Variants in VEPH1 observed in about 807,000 individuals in gnomAD.
The protein encoded by VEPH1 is ventricular zone-expressed PH domain-containing protein homolog 1.
A neutral mutation model predicts 85.2 loss-of-function variants in VEPH1; 80 were observed. That is an observed-to-expected ratio of 0.94 (90% confidence interval 0.78 to 1.13). The LOEUF (loss-of-function observed/expected upper bound fraction) is 1.13. Among genes scored for constraint, VEPH1 ranks in the 50% most tolerant of loss-of-function variants. The pLI is 0.00. For missense variants in VEPH1, 955 were observed against 980.5 expected, an observed-to-expected ratio of 0.97 and a Z score of 0.35; for synonymous variants, 297 against 348.0, an observed-to-expected ratio of 0.85 and a Z score of 1.63.
chr3:157,383,890 G>GT (rs201021061), intron 6 of VEPH1, among the ~76,000 whole-genome samples: 1,890 of 149,856 alleles, frequency 0.013, 42 homozygotes, highest in African/African-American at 0.038. Context: ...AACAGTTTTT[G>GT]TTTTTTTTTG....
chr3:157,390,926 C>T (rs574164394), intron 6 of VEPH1, among the ~76,000 whole-genome samples: 3 of 152,354 alleles, frequency 2.0e-5, no homozygotes, highest in Admixed American at 1.3e-4. Context: ...TTGGGCACCA[C>T]CACATTCCTC....
intron 2 of VEPH1, among the ~76,000 whole-genome samples, chr3:157,475,847 T>C (rs1737419300): frequency 6.6e-6 from 1 of 152,182 alleles, no homozygotes; most frequent in African/African-American, 2.4e-5. Context: ...CACCTGATCG[T>C]TAATTTTGTG....
intron 3 of VEPH1, among the ~76,000 whole-genome samples, chr3:157,464,650 A>G (rs916221393): frequency 2.0e-5 from 3 of 152,224 alleles, no homozygotes; most frequent in East Asian, 1.9e-4. Context: ...TTATATTTCT[A>G]AACTAGATTA....
intron 4 of VEPH1, among the ~76,000 whole-genome samples, chr3:157,451,391 A>G (rs761347812): frequency 1.4e-4 from 22 of 152,196 alleles, no homozygotes; most frequent in Non-Finnish European, 3.2e-4. Flanking sequence ...TACAATTACC[A>G]CTTACTGGGA....
At chr3:157,363,317 C>T (rs1219226736) in intron 9 of VEPH1, 47 bp downstream of exon 9, 1 of 1,482,246 alleles carries the variant, frequency 6.7e-7, no homozygotes, top group Non-Finnish European at 9.0e-7. Flanking sequence ...TGTTTATTTG[C>T]AGTGACTCCT....
At chr3:157,408,405 C>T (rs1443334367) in intron 6 of VEPH1, among the ~76,000 whole-genome samples, 1 of 152,108 alleles carries the variant, frequency 6.6e-6, no homozygotes, top group East Asian at 1.9e-4. Flanking sequence ...ATTATGTCAT[C>T]TAGAATAAGT....
intron 4 of VEPH1, among the ~76,000 whole-genome samples, chr3:157,441,870 GC>G (rs1160805950): frequency 3.9e-5 from 6 of 151,904 alleles, no homozygotes; most frequent in Non-Finnish European, 5.9e-5. Context: ...GCTGAAAAAT[GC>G]ATGTTGGTAA....
intron 4 of VEPH1, among the ~76,000 whole-genome samples, chr3:157,454,984 A>C (rs1481017558): frequency 6.6e-6 from 1 of 152,102 alleles, no homozygotes; most frequent in African/African-American, 2.4e-5. Flanking sequence ...TCTTCATCCA[A>C]TCCACTGTTG....
At chr3:157,262,668 T>A (rs1441183292) in intron 13 of VEPH1, among the ~76,000 whole-genome samples, 1 of 152,204 alleles carries the variant, frequency 6.6e-6, no homozygotes, top group Non-Finnish European at 1.5e-5. Context: ...TGGAGAGATG[T>A]AATCCTTTTG....
At chr3:157,352,917 C>T (rs191231979) in intron 9 of VEPH1, among the ~76,000 whole-genome samples, 30 of 152,076 alleles carry the variant, frequency 2.0e-4, no homozygotes, top group Non-Finnish European at 3.8e-4. Context: ...GTTTGCAGGG[C>T]AGGTAAAGGG....
intron 6 of VEPH1, among the ~76,000 whole-genome samples, chr3:157,385,058 T>A (rs748451322): frequency 1.6e-4 from 25 of 152,160 alleles, no homozygotes; most frequent in Non-Finnish European, 2.8e-4. Flanking sequence ...AGGTATTTAC[T>A]CATATAATCC....
At chr3:157,312,889 T>TA (rs10711048) in intron 11 of VEPH1, among the ~76,000 whole-genome samples, 11 of 137,212 alleles carry the variant, frequency 8.0e-5, no homozygotes, top group Admixed American at 3.9e-4. Context: ...CCTGGCTAAT[T>TA]AAAAAAAAAC....
chr3:157,358,327 C>T (rs1198853800), intron 9 of VEPH1, among the ~76,000 whole-genome samples: 1 of 152,152 alleles, frequency 6.6e-6, no homozygotes, highest in Non-Finnish European at 1.5e-5. Flanking sequence ...AAGTGCCCTT[C>T]TAACAGGGGC....
intron 9 of VEPH1, among the ~76,000 whole-genome samples, chr3:157,329,518 CTTCT>C (rs1346228330): frequency 1.3e-5 from 2 of 152,108 alleles, no homozygotes; most frequent in African/African-American, 4.8e-5. Flanking sequence ...TCATTTATTG[CTTCT>C]TTCAAGTTGT....
At position 157,420,939 on chromosome 3, in the gene VEPH1, C is replaced by T. The variant is rs118017433; in HGVS notation, c.697-6849G>A. Among the ~76,000 whole-genome samples, 379 of 152,316 alleles carry T rather than the reference C, an allele frequency of 2.5e-3. 8 individuals carry two copies. In the East Asian group the frequency reaches 0.044, roughly 18 times the overall value. On this transcript the variant is annotated intron_variant, in intron 5 of 13. Transcript: ENST00000362010. ...GTTGGCTAGACTACAGCATGGTTTACAGCAGCCAAGATTATAGACTTGATT... is the reference window on the plus strand; with the variant it reads ...GTTGGCTAGACTACAGCATGGTTTATAGCAGCCAAGATTATAGACTTGATT...
chr3:157,428,299 G>C (rs1171893465), intron 5 of VEPH1, 23 bp downstream of exon 5: 1 of 1,612,926 alleles, frequency 6.2e-7, no homozygotes, highest in African/African-American at 1.3e-5. Flanking sequence ...TGTGCACCAT[G>C]ACATATACAA....
At chr3:157,296,468 C>T (rs1577267951) in intron 11 of VEPH1, among the ~76,000 whole-genome samples, 1 of 152,208 alleles carries the variant, frequency 6.6e-6, no homozygotes, top group African/African-American at 2.4e-5. Context: ...AGAGGAGTCT[C>T]CTTCTTTTGC....
chr3:157,437,173 CT>C (rs1733664491), intron 4 of VEPH1: 1 of 1,406,918 alleles, frequency 7.1e-7, no homozygotes, highest in Admixed American at 2.1e-5. Flanking sequence ...AAATTTATAG[CT>C]TGTTATGCAA....
chr3:157,304,425 C>T (rs2075028700), intron 11 of VEPH1, among the ~76,000 whole-genome samples: 1 of 152,160 alleles, frequency 6.6e-6, no homozygotes, highest in Non-Finnish European at 1.5e-5. Flanking sequence ...GTAACTGGAA[C>T]ACGTGTTAAT....
Sources: allele counts gnomAD v4.1 joint callset (sites outside exome capture counted in the v4.1 genomes callset), GRCh38; gene constraint gnomAD v4.1.1; transcripts MANE v1.5; gene names NCBI Gene and HGNC (gene_info 2026-07-23, HGNC 2026-07-21).